Variants in SLIT3 observed in about 807,000 individuals in gnomAD.
The protein encoded by SLIT3 is slit homolog 3 protein.
SLIT3 carries 68 observed loss-of-function variants against 184.0 expected under a neutral mutation model. The observed-to-expected ratio is 0.37, with a 90% CI of 0.30 to 0.45. The LOEUF (loss-of-function observed/expected upper bound fraction) is 0.45, where lower values mean the gene tolerates loss of function less well. Ranked by LOEUF, SLIT3 falls within the 20% of genes least tolerant of loss-of-function variation. The probability of loss-of-function intolerance (pLI) is 1.00; values close to 1 mark genes in which losing one functional copy is unlikely to be tolerated. For missense variants in SLIT3, 1,707 were observed against 2,026.0 expected, an observed-to-expected ratio of 0.84 and a Z score of 3.02; for synonymous variants, 831 against 828.6, an observed-to-expected ratio of 1.00 and a Z score of -0.05.
rs200758397 is a variant in SLIT3 at position 169,293,339 on chromosome 5, C to T, written c.197+7174G>A. Among the ~76,000 whole-genome samples, 14 of 152,116 alleles carry T rather than the reference C, an allele frequency of 9.2e-5. No individual in the cohort carries two copies. The East Asian group carries it at 2.7e-3, about 29-fold the overall frequency. On this transcript the variant is annotated intron_variant, in intron 1 of 35. Coordinates refer to ENST00000519560, the MANE Select transcript of SLIT3 (RefSeq NM_003062.4). Reference sequence around the variant, plus strand: ...TGAGCTCCTCATCACTAGATATCATCAAGCAAAGGAGGCTAACTGACCACC... The same window carrying T: ...TGAGCTCCTCATCACTAGATATCATTAAGCAAAGGAGGCTAACTGACCACC...
At chr5:169,188,351 G>C (rs1188412708) in intron 4 of SLIT3, among the ~76,000 whole-genome samples, 1 of 152,162 alleles carries the variant, frequency 6.6e-6, no homozygotes, top group African/African-American at 2.4e-5. Context: ...TAAATAACCA[G>C]AAATCTTTCA....
At chr5:169,208,164 T>G (rs765938968) in intron 3 of SLIT3, among the ~76,000 whole-genome samples, 5 of 152,328 alleles carry the variant, frequency 3.3e-5, no homozygotes, top group Non-Finnish European at 7.4e-5. Flanking sequence ...TACTTATAAA[T>G]TAAGAAATTC....
At chr5:168,943,478 T>TA (rs1192616839) in intron 4 of SLIT3, among the ~76,000 whole-genome samples, 1 of 152,230 alleles carries the variant, frequency 6.6e-6, no homozygotes, top group Non-Finnish European at 1.5e-5. Context: ...CATGCTAGGC[T>TA]AAGAACAGCA....
intron 4 of SLIT3, among the ~76,000 whole-genome samples, chr5:169,026,793 C>CATA (rs1301167316): frequency 6.9e-6 from 1 of 144,054 alleles, no homozygotes; most frequent in Non-Finnish European, 1.5e-5. Context: ...ATACTATCAT[C>CATA]AGAAAAAAAA....
chr5:169,016,188 CAA>C (rs1444070578), intron 4 of SLIT3, among the ~76,000 whole-genome samples: 1 of 152,124 alleles, frequency 6.6e-6, no homozygotes, highest in Non-Finnish European at 1.5e-5. Context: ...GATAAATCCC[CAA>C]GTCTCCTGTT....
At chr5:168,717,562 C>G (rs1330121781) in intron 23 of SLIT3, among the ~76,000 whole-genome samples, 4 of 152,310 alleles carry the variant, frequency 2.6e-5, no homozygotes, top group African/African-American at 9.6e-5. Flanking sequence ...TTTCTTTCCC[C>G]CTCCAGAGTT....
At chr5:169,149,614 AGAG>A (rs1360647470) in intron 4 of SLIT3, among the ~76,000 whole-genome samples, 3 of 152,240 alleles carry the variant, frequency 2.0e-5, no homozygotes, top group Non-Finnish European at 4.4e-5. Context: ...GTGAAAGTGA[AGAG>A]GAGGAAATTG....
At chr5:169,040,085 C>T (rs1757395638) in intron 4 of SLIT3, among the ~76,000 whole-genome samples, 1 of 152,076 alleles carries the variant, frequency 6.6e-6, no homozygotes. Context: ...AACAGTTTAA[C>T]TTGGAAATAA....
chr5:168,937,419 C>A (rs1006272318), intron 4 of SLIT3, among the ~76,000 whole-genome samples: 1 of 152,140 alleles, frequency 6.6e-6, no homozygotes, highest in Non-Finnish European at 1.5e-5. Context: ...GGAGAGAACA[C>A]TGAGAAGGGA....
chr5:168,838,621 C>G lies in SLIT3; in HGVS notation c.557+5963G>C, dbSNP rs551103269. Among the ~76,000 whole-genome samples, 3 of 152,276 alleles carry G rather than the reference C, an allele frequency of 2.0e-5. No homozygotes were observed. In the South Asian group the frequency reaches 6.2e-4, roughly 32 times the overall value. ...ACTCTGGGTTCTCTGAAGTGGGCAA[C>G]ATCGTGCTTGAATATCCTAACACCC... On this transcript the variant is annotated intron_variant, in intron 6 of 35. Transcript: ENST00000519560.
At chr5:169,192,171 C>T (rs1316007123) in intron 4 of SLIT3, among the ~76,000 whole-genome samples, 2 of 152,056 alleles carry the variant, frequency 1.3e-5, no homozygotes, top group Admixed American at 1.3e-4. Flanking sequence ...ATTTCCTCCG[C>T]CCCCATGCCC....
At chr5:169,156,691 G>A (rs759470539) in intron 4 of SLIT3, among the ~76,000 whole-genome samples, 49 of 152,324 alleles carry the variant, frequency 3.2e-4, no homozygotes, top group East Asian at 9.6e-4. Context: ...GGCTCAAGTC[G>A]CTCTGTCAGA....
At chr5:168,826,242 A>T (rs1386556651) in intron 6 of SLIT3, among the ~76,000 whole-genome samples, 3 of 152,232 alleles carry the variant, frequency 2.0e-5, no homozygotes, top group Non-Finnish European at 4.4e-5. Flanking sequence ...TTATTCCAGA[A>T]CCAAAATGAC....
chr5:168,910,711 A>G (rs1372120892), intron 4 of SLIT3, among the ~76,000 whole-genome samples: 1 of 150,626 alleles, frequency 6.6e-6, no homozygotes, highest in Non-Finnish European at 1.5e-5. Context: ...GCACCACTGC[A>G]CTCCAGCCTG....
intron 27 of SLIT3, among the ~76,000 whole-genome samples, chr5:168,699,648 G>A (rs1762160150): frequency 6.6e-6 from 1 of 152,184 alleles, no homozygotes; most frequent in African/African-American, 2.4e-5. Context: ...AAGGAAAGAG[G>A]GCTGGAGGTG....
chr5:168,857,502 T>C (rs1488531441), intron 5 of SLIT3, among the ~76,000 whole-genome samples: 1 of 152,202 alleles, frequency 6.6e-6, no homozygotes, highest in African/African-American at 2.4e-5. Flanking sequence ...CTAACTTCTC[T>C]GGGCTAAAAT....
chr5:168,936,196 C>A (rs183681574), intron 4 of SLIT3, among the ~76,000 whole-genome samples: 1 of 152,302 alleles, frequency 6.6e-6, no homozygotes, highest in African/African-American at 2.4e-5. Context: ...TGGGCCAAGA[C>A]CAAATGCTGC....
chr5:169,294,687 G>A (rs939932394), intron 1 of SLIT3, among the ~76,000 whole-genome samples: 12 of 152,320 alleles, frequency 7.9e-5, no homozygotes, highest in Admixed American at 2.0e-4. Flanking sequence ...CTTAATGATG[G>A]GGATACGTTC....
rs1440442524 is a variant in SLIT3 at position 168,753,872 on chromosome 5, G to C, written c.1821C>G (p.Leu607=). ...CCACCCCAGGCACTCACAAGGTTTT[G>C]AGGCCACTGAGGCCACGGAACACGC... is the stretch of plus-strand genomic sequence containing the variant. The part of the protein sequence containing the change: ...HGRVFRGLSG[L]KTLMLRSNLI... Residue 607 remains leucine (L), a synonymous_variant, in exon 17 of 36, where the codon CTC becomes CTG. Coordinates refer to ENST00000519560, the MANE Select transcript of SLIT3 (RefSeq NM_003062.4). 1 of 1,610,640 alleles carries C rather than the reference G, an allele frequency of 6.2e-7. No homozygotes were observed. Among genetic ancestry groups the C allele is most frequent in the East Asian group, 2.2e-5 (1 of 44,878 alleles).
Sources: allele counts gnomAD v4.1 joint callset (sites outside exome capture counted in the v4.1 genomes callset), GRCh38; gene constraint gnomAD v4.1.1; transcripts MANE v1.5; gene names NCBI Gene and HGNC (gene_info 2026-07-23, HGNC 2026-07-21).